AK4: variants seen among roughly 807,000 people sequenced by gnomAD.
The protein encoded by AK4 is adenylate kinase 4, also known as adenylate kinase 4, mitochondrial.
In AK4, 13 loss-of-function variants were observed where a neutral mutation model predicts 24.6. The observed-to-expected ratio is 0.53, with a 90% CI of 0.34 to 0.84. The LOEUF is 0.84. AK4 is among the 40% of genes least tolerant of loss of function. The pLI, the probability that AK4 is intolerant of heterozygous loss-of-function variation, is 0.01. For synonymous variants in AK4, 88 were observed against 107.0 expected (o/e 0.82, Z 1.10); for missense variants, 192 against 288.2 (o/e 0.67, Z 2.42).
chr1:65,190,703 T>C lies in AK4; in HGVS notation c.146-7T>C. ...GAATACCTCTTTTTTTCTTGTCTTT[T>C]TAATAGAAGTTGGTGAGATGGCAAA... On this transcript the variant is annotated splice_region_variant and splice_polypyrimidine_tract_variant and intron_variant, in intron 1 of 4. Coordinates refer to ENST00000327299, the MANE Select transcript of AK4 (RefSeq NM_013410.4). 1 of 1,605,482 alleles carries C rather than the reference T, an allele frequency of 6.2e-7. No individual in the cohort carries two copies. Among genetic ancestry groups the C allele is most frequent in the Non-Finnish European group, 8.5e-7 (1 of 1,177,672 alleles).
rs1036998444 is a variant in AK4 at position 65,224,419 on chromosome 1, A to C, written c.439-333A>C. Among the ~76,000 whole-genome samples the C allele has an allele frequency of 2.0e-5, 3 of 152,228 alleles. No individual in the cohort carries two copies. The South Asian group carries it at 6.2e-4, about 32-fold the overall frequency. On this transcript the variant is annotated intron_variant, in intron 3 of 4. Transcript: ENST00000327299. ...AGACAAGGTAGTTTTAGGGATATTT[A>C]GAGAACCAAGATGACAAGGTTTGTT...
rs545225301 is a variant in AK4, at chr1:65,204,201, G to A, written c.265+13372G>A. Among the ~76,000 whole-genome samples the A allele has an allele frequency of 6.7e-5, 10 of 149,454 alleles. No homozygotes were observed. The South Asian group carries it at 2.1e-3, about 32-fold the overall frequency. ...CTTTAAAAAAGTATTTAATCTTACT[G>A]AATTTTTTTTTTTTTTTGACATGGA... On this transcript the variant is annotated intron_variant, in intron 2 of 4. Transcript: ENST00000327299.
chr1:65,215,939 G>T (rs4916032), intron 2 of AK4, among the ~76,000 whole-genome samples: 52,259 of 152,014 alleles, frequency 0.34, 9,751 homozygotes, highest in East Asian at 0.69. Context: ...TATAAAGACT[G>T]TTTTCTTGTC....
Position 65,199,848 on chromosome 1 carries a change from A to AG in AK4, c.265+9019_265+9020insG, listed in dbSNP as rs1651609440. Reference sequence around the variant, plus strand: ...AAAATGCAAAATCTGAGATGCTCCAATAGGCATTTTCTTTGAGGATCAAGT... The same window carrying AG: ...AAAATGCAAAATCTGAGATGCTCCAAGTAGGCATTTTCTTTGAGGATCAAGT... On this transcript the variant is annotated intron_variant, in intron 2 of 4. Coordinates refer to ENST00000327299, the MANE Select transcript of AK4 (RefSeq NM_013410.4). 6.6e-5 allele frequency among the ~76,000 whole-genome samples: 10 copies of AG among 152,156 alleles called. 1 individual carries two copies. Among genetic ancestry groups the AG allele is most frequent in the Admixed American group, 6.5e-4 (10 of 15,270 alleles).
At chr1:65,194,987 G>C (rs889255719) in intron 2 of AK4, among the ~76,000 whole-genome samples, 2 of 152,078 alleles carry the variant, frequency 1.3e-5, no homozygotes, top group South Asian at 4.1e-4. Context: ...TCCATTTTTT[G>C]TCTTAGTCTG....
At chr1:65,183,250 C>CTTTGTTTTAT (rs1650969677) in intron 1 of AK4, among the ~76,000 whole-genome samples, 1 of 151,170 alleles carries the variant, frequency 6.6e-6, no homozygotes, top group Admixed American at 6.6e-5. Flanking sequence ...TTTTTCTTTC[C>CTTTGTTTTAT]TTTGTTTTAT....
intron 4 of AK4, among the ~76,000 whole-genome samples, chr1:65,225,294 G>A (rs961138862): frequency 5.9e-5 from 9 of 152,092 alleles, no homozygotes; most frequent in Admixed American, 4.6e-4. Context: ...GGCTAAAACC[G>A]TAAACCAGAG....
intron 2 of AK4, among the ~76,000 whole-genome samples, chr1:65,208,336 T>C (rs1273766040): frequency 6.6e-6 from 1 of 152,110 alleles, no homozygotes; most frequent in Non-Finnish European, 1.5e-5. Context: ...AAGTATACGA[T>C]AGGAGAGAGA....
At position 65,185,624 on chromosome 1, in the gene AK4, C is replaced by CTTT. The variant is rs35079324; in HGVS notation, c.146-5071_146-5069dup. 5.3e-3 allele frequency among the ~76,000 whole-genome samples: 723 copies of CTTT among 136,204 alleles called. 14 individuals are homozygous for CTTT. Among genetic ancestry groups the CTTT allele is most frequent in the African/African-American group, 0.019 (675 of 36,370 alleles). The allele number at this position is 136,204 out of a possible 152,430, so 89.4% of individuals were successfully genotyped here. A position where few individuals can be genotyped will look rare whatever the true frequency, so the allele number is the denominator to read the frequency against. On this transcript the variant is annotated intron_variant, in intron 1 of 4. Transcript: ENST00000327299. ...GGGCTGTGAAACCGAATATGACCATCTTTTTTTTTTTTTTTTTGAGATGGA... is the reference window on the plus strand; with the variant it reads ...GGGCTGTGAAACCGAATATGACCATCTTTTTTTTTTTTTTTTTTTTGAGATGGA...
chr1:65,160,240 T>A (rs994171754), intron 1 of AK4, among the ~76,000 whole-genome samples: 10 of 152,168 alleles, frequency 6.6e-5, no homozygotes, highest in African/African-American at 2.4e-4. Context: ...TCAAGTAATT[T>A]ATAAACAACA....
chr1:65,224,675 T>C (rs1376526135), intron 3 of AK4, 77 bp from the exon 4 acceptor site: 1 of 1,109,764 alleles, frequency 9.0e-7, no homozygotes, highest in Non-Finnish European at 1.4e-6. Flanking sequence ...GAATACATGG[T>C]TTTGCACAGA....
chr1:65,153,165 A>G (rs1197928875), intron 1 of AK4, among the ~76,000 whole-genome samples: 2 of 152,192 alleles, frequency 1.3e-5, no homozygotes. Flanking sequence ...ATTTTCACAC[A>G]TATTTGAAGA....
At chr1:65,216,838 G>A in intron 2 of AK4, among the ~76,000 whole-genome samples, 1 of 147,452 alleles carries the variant, frequency 6.8e-6, no homozygotes, top group Non-Finnish European at 1.5e-5. Context: ...TGTAACTACA[G>A]GCATGCATCA....
chr1:65,179,982 A>G (rs1650844778), intron 1 of AK4, among the ~76,000 whole-genome samples: 1 of 152,214 alleles, frequency 6.6e-6, no homozygotes, highest in Admixed American at 6.5e-5. Flanking sequence ...AACTTTCAAA[A>G]CAACCCTAAG....
chr1:65,219,763 C>A (rs1652240780), intron 3 of AK4, among the ~76,000 whole-genome samples: 3 of 152,096 alleles, frequency 2.0e-5, no homozygotes, highest in Admixed American at 6.6e-5. Context: ...TCATAGTTTG[C>A]ATTGACGTTT....
intron 1 of AK4, among the ~76,000 whole-genome samples, chr1:65,166,315 TG>T (rs1358476165): frequency 2.3e-3 from 227 of 100,118 alleles, no homozygotes; most frequent in African/African-American, 0.012. Context: ...TTAAGCTGTG[TG>T]TGTGTGTGTG....
At chr1:65,169,280 C>T (rs1409159922) in intron 1 of AK4, among the ~76,000 whole-genome samples, 2 of 151,998 alleles carry the variant, frequency 1.3e-5, no homozygotes, top group African/African-American at 4.8e-5. Context: ...TGAATTTCCC[C>T]AAATTATCTT....
chr1:65,219,271 C>T (rs1451554531), intron 3 of AK4, among the ~76,000 whole-genome samples: 3 of 151,510 alleles, frequency 2.0e-5, no homozygotes, highest in African/African-American at 7.3e-5. Flanking sequence ...GAAAATAATA[C>T]TCCCTTTTTT....
intron 1 of AK4, among the ~76,000 whole-genome samples, chr1:65,169,394 T>C (rs372839981): frequency 6.6e-6 from 1 of 152,042 alleles, no homozygotes. Flanking sequence ...CTCAGAGAGG[T>C]AGTGTGGTTG....
Sources: gnomAD v4.1 joint callset for allele counts (sites outside exome capture counted in the v4.1 genomes callset) on GRCh38, gnomAD v4.1.1 for gene constraint, MANE v1.5 for transcripts, NCBI Gene and HGNC (gene_info 2026-07-23, HGNC 2026-07-21) for gene names.